HMGCLL1: variants seen among roughly 807,000 people sequenced by gnomAD.
The protein encoded by HMGCLL1 is 3-hydroxy-3-methylglutaryl-CoA lyase like 1, also known as 3-hydroxymethyl-3-methylglutaryl-CoA lyase, cytoplasmic.
Under a neutral mutation model 39.1 loss-of-function variants are expected in HMGCLL1, and 36 were observed. The ratio of observed to expected loss-of-function variants is 0.92; its 90% CI spans 0.71 to 1.22. HMGCLL1 has a LOEUF of 1.22. Among genes scored for constraint, HMGCLL1 ranks in the 50% most tolerant of loss-of-function variants. HMGCLL1 has a pLI of 0.00. For missense variants in HMGCLL1, 451 were observed against 416.5 expected (o/e 1.08, Z -0.72); for synonymous variants, 149 against 144.0 (o/e 1.03, Z -0.25).
chr6:55,670,643 T>A, the HMGCLL1 span, among the ~76,000 whole-genome samples: 1 of 151,796 alleles, frequency 6.6e-6, no homozygotes, highest in African/African-American at 2.4e-5. Flanking sequence ...CTTAATAGAC[T>A]GTTAATAGTT....
At chr6:55,477,882 G>A (rs1765540569) in intron 7 of HMGCLL1, among the ~76,000 whole-genome samples, 1 of 150,908 alleles carries the variant, frequency 6.6e-6, no homozygotes, top group African/African-American at 2.5e-5. Flanking sequence ...TTCACATACT[G>A]TTCTTATATG....
chr6:55,573,778 C>A (rs1326879176), intron 1 of HMGCLL1, among the ~76,000 whole-genome samples: 1 of 151,918 alleles, frequency 6.6e-6, no homozygotes, highest in Non-Finnish European at 1.5e-5. Flanking sequence ...ACATTCGAAG[C>A]AAAAATGGTT....
intron 5 of HMGCLL1, among the ~76,000 whole-genome samples, chr6:55,500,699 TA>T (rs1475232013): frequency 6.6e-6 from 1 of 152,006 alleles, no homozygotes; most frequent in Admixed American, 6.6e-5. Context: ...CACTATAATC[TA>T]AGTTTATGCT....
intron 7 of HMGCLL1, among the ~76,000 whole-genome samples, chr6:55,444,565 A>T (rs1018240381): frequency 2.0e-5 from 3 of 152,048 alleles, no homozygotes; most frequent in Admixed American, 2.0e-4. Flanking sequence ...ATGTTATAAC[A>T]GTACATAGAG....
At chr6:55,513,843 C>A in intron 5 of HMGCLL1, 1 of 531,372 alleles carries the variant, frequency 1.9e-6, no homozygotes, top group Non-Finnish European at 3.2e-6. Context: ...AACTGCATGA[C>A]ACATTCCACA....
intron 7 of HMGCLL1, among the ~76,000 whole-genome samples, chr6:55,477,539 A>G (rs1432720192): frequency 8.0e-6 from 1 of 124,850 alleles, no homozygotes; most frequent in Non-Finnish European, 1.6e-5. Flanking sequence ...TATAATATAT[A>G]TAAATAAATG....
chr6:55,464,892 TCTTTACTC>T (rs1764733615), intron 7 of HMGCLL1, among the ~76,000 whole-genome samples: 1 of 152,176 alleles, frequency 6.6e-6, no homozygotes, highest in African/African-American at 2.4e-5. Flanking sequence ...TACTCTGTGC[TCTTTACTC>T]CTTTACTCCT....
intron 1 of HMGCLL1, among the ~76,000 whole-genome samples, chr6:55,562,980 C>T (rs1193884664): frequency 6.6e-6 from 1 of 151,884 alleles, no homozygotes; most frequent in Non-Finnish European, 1.5e-5. Flanking sequence ...GTAAATATGT[C>T]CATATATAAA....
chr6:55,516,377 G>A (rs1767736690), intron 4 of HMGCLL1, 131 bp downstream of exon 4: 1 of 495,794 alleles, frequency 2.0e-6, no homozygotes, highest in Non-Finnish European at 3.5e-6. Context: ...GGAGCTCTAT[G>A]TCTTCATGTT....
the HMGCLL1 span, among the ~76,000 whole-genome samples, chr6:55,654,389 A>G: frequency 6.6e-6 from 1 of 151,640 alleles, no homozygotes; most frequent in African/African-American, 2.4e-5. Flanking sequence ...CTCAATAAGG[A>G]CTTGAAGTCA....
the HMGCLL1 span, among the ~76,000 whole-genome samples, chr6:55,673,529 G>A: frequency 1.3e-5 from 2 of 151,906 alleles, no homozygotes; most frequent in African/African-American, 2.4e-5. Flanking sequence ...AAGGGCGAAC[G>A]AACATGCTTT....
chr6:55,522,785 G>C (rs574580815), intron 3 of HMGCLL1, among the ~76,000 whole-genome samples: 1 of 151,990 alleles, frequency 6.6e-6, no homozygotes, highest in Admixed American at 6.6e-5. Flanking sequence ...TACAGAAGAG[G>C]AGAATGTTTT....
At chr6:55,530,712 T>C (rs1768614151) in intron 3 of HMGCLL1, among the ~76,000 whole-genome samples, 1 of 152,146 alleles carries the variant, frequency 6.6e-6, no homozygotes, top group Non-Finnish European at 1.5e-5. Context: ...CGGGATACAA[T>C]ATTACTTTCG....
intron 8 of HMGCLL1, among the ~76,000 whole-genome samples, chr6:55,436,744 T>C (rs1334634608): frequency 6.6e-6 from 1 of 152,052 alleles, no homozygotes; most frequent in Admixed American, 6.6e-5. Flanking sequence ...TTCATAACAA[T>C]GAATATCATT....
the HMGCLL1 span, among the ~76,000 whole-genome samples, chr6:55,593,499 C>T: frequency 6.6e-6 from 1 of 152,072 alleles, no homozygotes; most frequent in African/African-American, 2.4e-5. Flanking sequence ...TAAATCATGC[C>T]ATGGGATAAC....
At chr6:55,638,619 T>C in the HMGCLL1 span, among the ~76,000 whole-genome samples, 1 of 152,120 alleles carries the variant, frequency 6.6e-6, no homozygotes, top group African/African-American at 2.4e-5. Context: ...TCAGACTTTG[T>C]TATGTTTTGA....
At chr6:55,619,194 A>AG in the HMGCLL1 span, among the ~76,000 whole-genome samples, 5 of 152,076 alleles carry the variant, frequency 3.3e-5, no homozygotes, top group African/African-American at 1.2e-4. Flanking sequence ...GAACATGTGC[A>AG]GGGGCATGAA....
chr6:55,643,460 A>C, the HMGCLL1 span, among the ~76,000 whole-genome samples: 1 of 152,064 alleles, frequency 6.6e-6, no homozygotes, highest in Non-Finnish European at 1.5e-5. Context: ...TGCTTTGGGC[A>C]GTGTGGCCAT....
the HMGCLL1 span, among the ~76,000 whole-genome samples, chr6:55,608,461 G>A: frequency 6.6e-6 from 1 of 151,814 alleles, no homozygotes; most frequent in Non-Finnish European, 1.5e-5. Context: ...TTCAGTTAAA[G>A]TTCCTGAGAA....
Sources: gnomAD v4.1 joint callset for allele counts (sites outside exome capture counted in the v4.1 genomes callset) on GRCh38, gnomAD v4.1.1 for gene constraint, MANE v1.5 for transcripts, NCBI Gene and HGNC (gene_info 2026-07-23, HGNC 2026-07-21) for gene names.